Variants in NCOA2 observed in about 807,000 individuals in gnomAD.
NCOA2 encodes nuclear receptor coactivator 2, also known as class E basic helix-loop-helix protein 75.
NCOA2 carries 21 observed loss-of-function variants against 145.1 expected under a neutral mutation model. The ratio of observed to expected loss-of-function variants is 0.14; its 90% confidence interval spans 0.10 to 0.21. The LOEUF is 0.21. NCOA2 is among the 10% of genes least tolerant of loss of function. The probability of loss-of-function intolerance (pLI) is 1.00; values close to 1 mark genes in which losing one functional copy is unlikely to be tolerated. For synonymous variants in NCOA2, 619 were observed against 637.5 expected (o/e 0.97, Z 0.44); for missense variants, 1,472 against 1,837.6 (o/e 0.80, Z 3.64).
chr8:70,422,034 G>A, the NCOA2 span, among the ~76,000 whole-genome samples: 1 of 151,916 alleles, frequency 6.6e-6, no homozygotes, highest in Non-Finnish European at 1.5e-5. Flanking sequence ...GGTGGAGGTT[G>A]CATTGAGCTG....
rs750362690 is a variant in NCOA2, at chr8:70,156,218, C to T, written c.2147G>A (p.Ser716Asn). The T allele has an allele frequency of 4.3e-6, 7 of 1,613,988 alleles. No individual in the cohort carries two copies. Among genetic ancestry groups the T allele is most frequent in the African/African-American group, 1.3e-5 (1 of 75,030 alleles). ...AGGAGCTGTGCTGCTGGACTCCTGG[C>T]TCAGGTCTTTGCCTGTGGCTTCTGC... ...LTAEATGKDL[S>N]QESSSTAPGS... The change falls in exon 11 of 23, where the codon AGC becomes AAC. Residue 716 changes from serine (S) to asparagine (N), a missense_variant. Coordinates refer to ENST00000452400, the MANE Select transcript of NCOA2 (RefSeq NM_006540.4).
chr8:70,200,847 C>G (rs547537291), intron 4 of NCOA2, among the ~76,000 whole-genome samples: 2 of 152,002 alleles, frequency 1.3e-5, no homozygotes, highest in East Asian at 3.9e-4. Context: ...TGCTTCAGCT[C>G]AGGAGTTCAA....
intron 2 of NCOA2, among the ~76,000 whole-genome samples, chr8:70,260,407 C>G (rs1392900438): frequency 6.6e-6 from 1 of 152,066 alleles, no homozygotes; most frequent in Non-Finnish European, 1.5e-5. Context: ...TGCTGGGAGG[C>G]ACCATGGCAT....
intron 1 of NCOA2, among the ~76,000 whole-genome samples, chr8:70,300,821 G>C (rs1827432955): frequency 6.6e-6 from 1 of 152,124 alleles, no homozygotes; most frequent in African/African-American, 2.4e-5. Flanking sequence ...TGTAACAATA[G>C]CATCAATAGC....
At chr8:70,193,113 C>T (rs1380339758) in intron 4 of NCOA2, among the ~76,000 whole-genome samples, 1 of 143,188 alleles carries the variant, frequency 7.0e-6, no homozygotes, top group Non-Finnish European at 1.5e-5. Flanking sequence ...CAATATCATA[C>T]TTGAAAATGA....
intron 10 of NCOA2, among the ~76,000 whole-genome samples, chr8:70,158,505 A>C (rs1812527329): frequency 6.6e-6 from 1 of 152,228 alleles, no homozygotes; most frequent in Non-Finnish European, 1.5e-5. Flanking sequence ...AAAAATCTAA[A>C]ATATTATTTG....
intron 10 of NCOA2, 21 bp from the exon 11 acceptor site, chr8:70,157,261 A>T (rs374705877): frequency 6.7e-7 from 1 of 1,497,348 alleles, no homozygotes; most frequent in Non-Finnish European, 8.9e-7. Flanking sequence ...AGAAAAGAAA[A>T]AAATGTAAGA....
chr8:70,233,554 A>G (rs190766894), intron 2 of NCOA2, among the ~76,000 whole-genome samples: 131 of 152,286 alleles, frequency 8.6e-4, no homozygotes, highest in African/African-American at 3.0e-3. Flanking sequence ...ACCCCATTAA[A>G]TCTGCCCTCC....
intron 4 of NCOA2, among the ~76,000 whole-genome samples, chr8:70,207,248 C>A (rs1818538406): frequency 6.6e-6 from 1 of 152,138 alleles, no homozygotes; most frequent in South Asian, 2.1e-4. Context: ...ACAAGGTGAT[C>A]AAGAAAACAA....
intron 2 of NCOA2, among the ~76,000 whole-genome samples, chr8:70,251,280 A>G (rs982718123): frequency 2.6e-5 from 4 of 152,212 alleles, no homozygotes; most frequent in African/African-American, 4.8e-5. Flanking sequence ...ATAAATGTCT[A>G]TGATACTACT....
chr8:70,384,947 TAAAC>T (rs1014336506), intron 1 of NCOA2, among the ~76,000 whole-genome samples: 6 of 152,326 alleles, frequency 3.9e-5, no homozygotes, highest in South Asian at 4.1e-4. Flanking sequence ...AATCATTCTG[TAAAC>T]AAACAAAGTA....
chr8:70,191,451 C>T (rs1438708531), intron 4 of NCOA2, among the ~76,000 whole-genome samples: 1 of 152,198 alleles, frequency 6.6e-6, no homozygotes, highest in Non-Finnish European at 1.5e-5. Context: ...TAGCCTCACC[C>T]ACATTTCCTA....
intron 13 of NCOA2, among the ~76,000 whole-genome samples, chr8:70,144,239 T>G (rs1440530894): frequency 6.6e-6 from 1 of 152,228 alleles, no homozygotes; most frequent in African/African-American, 2.4e-5. Context: ...CCTAGAAGTA[T>G]AAAAGGTTGG....
intron 11 of NCOA2, among the ~76,000 whole-genome samples, chr8:70,148,718 T>C (rs1373852177): frequency 6.6e-6 from 1 of 152,238 alleles, no homozygotes; most frequent in Non-Finnish European, 1.5e-5. Context: ...AAGAGATGGC[T>C]GAATAAGAAA....
At chr8:70,336,533 G>A (rs1388788950) in intron 1 of NCOA2, among the ~76,000 whole-genome samples, 1 of 152,094 alleles carries the variant, frequency 6.6e-6, no homozygotes, top group Non-Finnish European at 1.5e-5. Context: ...GGAGGCCTCA[G>A]GAAACTTACA....
At chr8:70,279,211 CCT>C (rs1311617415) in intron 2 of NCOA2, among the ~76,000 whole-genome samples, 2 of 152,140 alleles carry the variant, frequency 1.3e-5, no homozygotes, top group African/African-American at 4.8e-5. Flanking sequence ...TACATGCTGC[CCT>C]CTCTGCCTGG....
intron 1 of NCOA2, among the ~76,000 whole-genome samples, chr8:70,379,838 A>G (rs1812034423): frequency 6.6e-6 from 1 of 151,626 alleles, no homozygotes; most frequent in Non-Finnish European, 1.5e-5. Context: ...TCGTTTCTGT[A>G]TCATGCTTTA....
chr8:70,289,826 C>CT (rs1006720162), intron 2 of NCOA2, among the ~76,000 whole-genome samples: 9 of 149,908 alleles, frequency 6.0e-5, no homozygotes, highest in South Asian at 2.1e-4. Flanking sequence ...GTGCTACACA[C>CT]TTTTTTTTTT....
intron 1 of NCOA2, among the ~76,000 whole-genome samples, chr8:70,356,323 GAA>G (rs1414662979): frequency 4.7e-5 from 7 of 148,406 alleles, no homozygotes; most frequent in Non-Finnish European, 8.8e-5. Flanking sequence ...AAGAAAAAGA[GAA>G]AGAGTTGATT....
Sources: allele counts gnomAD v4.1 joint callset (sites outside exome capture counted in the v4.1 genomes callset), GRCh38; gene constraint gnomAD v4.1.1; transcripts MANE v1.5; gene names NCBI Gene and HGNC (gene_info 2026-07-23, HGNC 2026-07-21).